LUZP2: variants seen among roughly 807,000 people sequenced by gnomAD.
The protein encoded by LUZP2 is leucine zipper protein 2.
In LUZP2, 52 loss-of-function variants were observed where a neutral mutation model predicts 51.6. That is an observed-to-expected ratio of 1.01 (90% confidence interval 0.81 to 1.27). LUZP2 has a LOEUF of 1.27. Ranked by LOEUF, LUZP2 falls within the 50% of genes most tolerant of loss-of-function variation. The pLI, the probability that LUZP2 is intolerant of heterozygous loss-of-function variation, is 0.00. For synonymous variants in LUZP2, 154 were observed against 137.3 expected, an observed-to-expected ratio of 1.12 and a Z score of -0.85; for missense variants, 436 against 395.4, an observed-to-expected ratio of 1.10 and a Z score of -0.87.
intron 5 of LUZP2, among the ~76,000 whole-genome samples, chr11:24,895,835 C>A (rs1853024691): frequency 6.6e-6 from 1 of 152,126 alleles, no homozygotes; most frequent in Non-Finnish European, 1.5e-5. Flanking sequence ...TATTTGTTTT[C>A]TTTTTTTGGA....
At chr11:24,901,415 G>T (rs1371906839) in intron 5 of LUZP2, among the ~76,000 whole-genome samples, 1 of 146,232 alleles carries the variant, frequency 6.8e-6, no homozygotes, top group African/African-American at 2.5e-5. Context: ...AAAAAAAAAG[G>T]TAACTTGAAG....
At chr11:24,932,737 A>G (rs1337759430) in intron 7 of LUZP2, among the ~76,000 whole-genome samples, 2 of 152,080 alleles carry the variant, frequency 1.3e-5, no homozygotes, top group African/African-American at 4.8e-5. Flanking sequence ...CCCCACTGAA[A>G]AGGCAATTGG....
At chr11:24,559,232 A>C (rs1264558653) in intron 1 of LUZP2, among the ~76,000 whole-genome samples, 2 of 152,174 alleles carry the variant, frequency 1.3e-5, no homozygotes, top group Non-Finnish European at 2.9e-5. Context: ...ATTTGTAAAA[A>C]TTTTGTGTTA....
At chr11:24,948,496 C>A (rs2092689869) in intron 7 of LUZP2, among the ~76,000 whole-genome samples, 1 of 151,652 alleles carries the variant, frequency 6.6e-6, no homozygotes, top group African/African-American at 2.4e-5. Context: ...GTCTGAAGAG[C>A]AGGGCAGGGT....
At chr11:24,646,224 G>A (rs1050003433) in intron 1 of LUZP2, among the ~76,000 whole-genome samples, 5 of 152,042 alleles carry the variant, frequency 3.3e-5, no homozygotes, top group East Asian at 1.9e-4. Context: ...CACAGTGTGC[G>A]TGTAAAAATG....
intron 4 of LUZP2, among the ~76,000 whole-genome samples, chr11:24,743,494 C>T (rs1282967049): frequency 1.3e-5 from 2 of 151,922 alleles, no homozygotes; most frequent in African/African-American, 2.4e-5. Flanking sequence ...TCCACTTGGT[C>T]GCTGTTGGTG....
intron 9 of LUZP2, among the ~76,000 whole-genome samples, chr11:24,990,851 A>G (rs1856313031): frequency 6.6e-6 from 1 of 152,032 alleles, no homozygotes; most frequent in Non-Finnish European, 1.5e-5. Context: ...ACCATCACTC[A>G]TAATGCTGGT....
chr11:24,595,715 C>T (rs10742045), intron 1 of LUZP2, among the ~76,000 whole-genome samples: 110,950 of 152,002 alleles, frequency 0.73, 40,849 homozygotes, highest in East Asian at 0.96. Flanking sequence ...GAGACTTCTG[C>T]AGAGATGATG....
At chr11:24,908,767 T>C (rs1220099093) in intron 6 of LUZP2, among the ~76,000 whole-genome samples, 1 of 149,672 alleles carries the variant, frequency 6.7e-6, no homozygotes, top group Non-Finnish European at 1.5e-5. Context: ...TCTTTTTTTT[T>C]TTTTTTGAGA....
chr11:24,676,119 T>C (rs974600411), intron 1 of LUZP2, among the ~76,000 whole-genome samples: 8 of 152,022 alleles, frequency 5.3e-5, no homozygotes, highest in African/African-American at 1.7e-4. Context: ...ATGCCTAGCC[T>C]CACATTTCTT....
At chr11:24,700,474 T>C (rs1695375752) in intron 1 of LUZP2, among the ~76,000 whole-genome samples, 1 of 152,178 alleles carries the variant, frequency 6.6e-6, no homozygotes, top group Admixed American at 6.6e-5. Flanking sequence ...TTCCTACGCC[T>C]TTCTCTTTCT....
chr11:24,984,524 T>TTATATATATATA (rs1209500084), intron 9 of LUZP2, among the ~76,000 whole-genome samples: 2 of 90,050 alleles, frequency 2.2e-5, no homozygotes, highest in African/African-American at 4.1e-5. Flanking sequence ...ATTACATATT[T>TTATATATATATA]TATATATATA....
intron 1 of LUZP2, among the ~76,000 whole-genome samples, chr11:24,520,707 C>T (rs1364242419): frequency 2.0e-5 from 3 of 152,166 alleles, no homozygotes; most frequent in Non-Finnish European, 4.4e-5. Context: ...CCAGACTAGG[C>T]TTAGGAAACC....
chr11:24,746,667 T>C lies in LUZP2; in HGVS notation c.333+8365T>C, dbSNP rs550263577. On this transcript the variant is annotated intron_variant, in intron 4 of 11. Transcript: ENST00000336930. Reference sequence around the variant, plus strand: ...GGTTTTCCAAACTTTTAGATTTATCTTCTTTCACAGGAACACTGATTTTTC... The same window carrying C: ...GGTTTTCCAAACTTTTAGATTTATCCTCTTTCACAGGAACACTGATTTTTC... 2.0e-5 allele frequency among the ~76,000 whole-genome samples: 3 copies of C among 152,324 alleles called. No individual in the cohort carries two copies. The South Asian group carries it at 6.2e-4, about 32-fold the overall frequency.
intron 7 of LUZP2, among the ~76,000 whole-genome samples, chr11:24,967,896 T>C (rs536304874): frequency 1.3e-5 from 2 of 152,272 alleles, no homozygotes; most frequent in East Asian, 3.9e-4. Flanking sequence ...GAATCATATA[T>C]ACATATATTA....
chr11:25,009,755 A>C (rs1856933024), intron 9 of LUZP2, among the ~76,000 whole-genome samples: 2 of 152,210 alleles, frequency 1.3e-5, no homozygotes, highest in South Asian at 4.1e-4. Flanking sequence ...TTAAGAATTC[A>C]TGAAAAGAAA....
At chr11:24,563,467 G>A (rs1003356538) in intron 1 of LUZP2, among the ~76,000 whole-genome samples, 1 of 152,116 alleles carries the variant, frequency 6.6e-6, no homozygotes, top group Non-Finnish European at 1.5e-5. Context: ...GATCTTACAT[G>A]TTAGTATGTT....
At chr11:24,841,599 T>C (rs1024425080) in intron 5 of LUZP2, among the ~76,000 whole-genome samples, 6 of 152,108 alleles carry the variant, frequency 3.9e-5, no homozygotes, top group Non-Finnish European at 5.9e-5. Context: ...ATTATACACA[T>C]GTAACTTTAA....
intron 5 of LUZP2, among the ~76,000 whole-genome samples, chr11:24,771,388 G>A (rs145712917): frequency 2.0e-5 from 3 of 149,262 alleles, no homozygotes; most frequent in Admixed American, 6.8e-5. Context: ...TATATACATG[G>A]CATCGTATCT....
Sources: allele counts gnomAD v4.1 joint callset (sites outside exome capture counted in the v4.1 genomes callset), GRCh38; gene constraint gnomAD v4.1.1; transcripts MANE v1.5; gene names NCBI Gene and HGNC (gene_info 2026-07-23, HGNC 2026-07-21).